The following ZNF462 variants were observed in gnomAD, a reference collection of about 807,000 sequenced individuals.
ZNF462 encodes zinc finger protein 462, also known as zinc finger PBX1-interacting protein.
A neutral mutation model predicts 201.9 loss-of-function variants in ZNF462; 10 were observed. That is an observed-to-expected ratio of 0.05 (90% confidence interval 0.03 to 0.08). The LOEUF (loss-of-function observed/expected upper bound fraction) is 0.08. Ranked by LOEUF, ZNF462 falls within the 10% of genes least tolerant of loss-of-function variation. The probability of loss-of-function intolerance (pLI) is 1.00; values close to 1 mark genes in which losing one functional copy is unlikely to be tolerated. For missense variants in ZNF462, 2,523 were observed against 3,168.3 expected (o/e 0.80, Z 4.89); for synonymous variants, 1,227 against 1,193.3 (o/e 1.03, Z -0.58).
intron 7 of ZNF462, among the ~76,000 whole-genome samples, chr9:106,943,057 CGCGTGTGTGTGTGTGT>C (rs1314418889): frequency 7.3e-6 from 1 of 136,818 alleles, no homozygotes; most frequent in Admixed American, 7.2e-5. Context: ...GTTTTGCGCG[CGCGTGTGTGTGTGTGT>C]GTGTGTGTGT....
rs566498618 is a variant in ZNF462 at position 106,988,045 on chromosome 9, T to A, written c.7056+3636T>A. Among the ~76,000 whole-genome samples, 715 of 152,304 alleles carry A rather than the reference T, an allele frequency of 4.7e-3. 9 individuals are homozygous for A. The highest frequency in any genetic ancestry group is 0.017 in the African/African-American group (691 of 41,572). The stretch of plus-strand genomic sequence containing the variant: ...TATGCCTATTTTTATACCAGTACTA[T>A]GCTGTTTTGGTGAGGAACAGCATAG... On this transcript the variant is annotated intron_variant, in intron 10 of 12. Coordinates refer to ENST00000277225, the MANE Select transcript of ZNF462 (RefSeq NM_021224.6).
chr9:107,009,766 C>G lies in ZNF462; in HGVS notation c.7313+98C>G, dbSNP rs1588213343. On this transcript the variant is annotated intron_variant, in intron 12 of 12. Coordinates refer to ENST00000277225, the MANE Select transcript of ZNF462 (RefSeq NM_021224.6). The surrounding 1 kb of genome is among the most constrained non-coding windows in gnomAD (Gnocchi z 6.1). The stretch of plus-strand genomic sequence containing the variant: ...GGTTCCCCTGACAGTATGTACACCC[C>G]TCTGTGTCACATTTCTGGGCCGTGG... The G allele has an allele frequency of 2.0e-6, 3 of 1,520,816 alleles. No homozygotes were observed. The Admixed American group carries it at 5.6e-5, about 29-fold the overall frequency. 94.2% of individuals were successfully genotyped at this position (1,520,816 alleles called of 1,614,324 possible).
chr9:106,866,133 T>G (rs1827320394), intron 1 of ZNF462, among the ~76,000 whole-genome samples: 1 of 152,196 alleles, frequency 6.6e-6, no homozygotes, highest in African/African-American at 2.4e-5. Flanking sequence ...TGGACCTTGC[T>G]TTCAACTAAG....
At chr9:106,906,465 GA>G (rs1829279823) in intron 1 of ZNF462, among the ~76,000 whole-genome samples, 2 of 152,158 alleles carry the variant, frequency 1.3e-5, no homozygotes, top group Admixed American at 1.3e-4. Context: ...GCAATGTGTT[GA>G]TTGAGAATTG....
chr9:106,952,067 C>T (rs780202650), intron 7 of ZNF462, among the ~76,000 whole-genome samples: 4 of 152,048 alleles, frequency 2.6e-5, no homozygotes, highest in African/African-American at 7.3e-5. Context: ...ACAGATCACA[C>T]GGGAGATGCT....
chr9:106,923,877 T>A lies in ZNF462; in HGVS notation c.221-256T>A, dbSNP rs1830083115. Among the ~76,000 whole-genome samples the A allele has an allele frequency of 6.6e-6, 1 of 152,204 alleles. No homozygotes were observed. The highest frequency in any genetic ancestry group is 2.4e-5 in the African/African-American group (1 of 41,452). ...GTAGTACAATTTATGCAACTTGTAT[T>A]TTTATAGCTGTGTGGCTCATTTATG... On this transcript the variant is annotated intron_variant, in intron 2 of 12. Transcript: ENST00000277225. This position sits in a 1 kb window ranked among gnomAD's most constrained non-coding sequence, Gnocchi z 5.6.
In ZNF462 at chr9:106,933,992, A is replaced by G. The variant is rs1285975599; in HGVS notation, c.6116+1443A>G. On this transcript the variant is annotated intron_variant, in intron 5 of 12. Transcript: ENST00000277225. This position sits in a 1 kb window ranked among gnomAD's most constrained non-coding sequence, Gnocchi z 4.3. ...GACCATATTTGGAGTTTTAAATGCC[A>G]GGAAATAGTATTTCATAATTTAAAT... is the stretch of plus-strand genomic sequence containing the variant. 6.6e-6 allele frequency among the ~76,000 whole-genome samples: 1 copy of G among 152,228 alleles called. No individual in the cohort carries two copies. The highest frequency in any genetic ancestry group is 1.5e-5 in the Non-Finnish European group (1 of 68,032).
intron 7 of ZNF462, among the ~76,000 whole-genome samples, chr9:106,958,796 C>G (rs753113809): frequency 6.6e-6 from 1 of 152,038 alleles, no homozygotes; most frequent in Non-Finnish European, 1.5e-5. Context: ...GAAGTGCTAT[C>G]AAGAGAAAGA....
At chr9:106,989,469 T>A (rs1294131817) in intron 10 of ZNF462, among the ~76,000 whole-genome samples, 3 of 152,138 alleles carry the variant, frequency 2.0e-5, no homozygotes, top group Non-Finnish European at 4.4e-5. Context: ...TTAGTGTCTG[T>A]GTTCATGAGG....
Position 106,974,756 on chromosome 9 carries a change from T to C in ZNF462, c.6832+483T>C. 5.4e-6 allele frequency: 1 copy of C among 185,154 alleles called. No homozygotes were observed. Among genetic ancestry groups the C allele is most frequent in the Admixed American group, 5.3e-5 (1 of 18,782 alleles). 11.5% of individuals were successfully genotyped at this position (185,154 alleles called of 1,614,324 possible). A position where few individuals can be genotyped will look rare whatever the true frequency, so the allele number is the denominator to read the frequency against. On this transcript the variant is annotated intron_variant, in intron 9 of 12. Transcript: ENST00000277225. This position sits in a 1 kb window ranked among gnomAD's most constrained non-coding sequence, Gnocchi z 4.0. ...AGAGAATTCTTTAAAATAATGTATA[T>C]TATACATTCTAATAATAGTCTCTAT...
chr9:106,960,383 T>G (rs1355189139), intron 7 of ZNF462, among the ~76,000 whole-genome samples: 1 of 152,122 alleles, frequency 6.6e-6, no homozygotes, highest in Non-Finnish European at 1.5e-5. Context: ...ACTGTGGCCT[T>G]GCCCACGGCC....
intron 1 of ZNF462, among the ~76,000 whole-genome samples, chr9:106,893,778 A>G (rs984722378): frequency 1.3e-5 from 2 of 152,130 alleles, no homozygotes; most frequent in Non-Finnish European, 2.9e-5. Flanking sequence ...TGTTATTTCT[A>G]TTTAGCATAT....
chr9:106,937,991 A>G (rs1275031679), intron 6 of ZNF462, among the ~76,000 whole-genome samples: 2 of 152,156 alleles, frequency 1.3e-5, no homozygotes, highest in Non-Finnish European at 2.9e-5. Flanking sequence ...TTAAAAGCAA[A>G]ATGGCTTTCT....
Position 106,981,829 on chromosome 9 carries a change from C to A in ZNF462, c.6833-2357C>A, listed in dbSNP as rs1372373220. Among the ~76,000 whole-genome samples, 2 of 152,112 alleles carry A rather than the reference C, an allele frequency of 1.3e-5. No homozygotes were observed. Among genetic ancestry groups the A allele is most frequent in the Non-Finnish European group, 2.9e-5 (2 of 68,028 alleles). ...AGTCACTGAATGACTATCTTTGAGG[C>A]GTGTGGGACATCATTATATGAAAAA... On this transcript the variant is annotated intron_variant, in intron 9 of 12. Transcript: ENST00000277225. This position sits in a 1 kb window ranked among gnomAD's most constrained non-coding sequence, Gnocchi z 4.0.
chr9:106,968,336 G>A lies in ZNF462; in HGVS notation c.6428-3669G>A, dbSNP rs1832174849. ...AAATTCTAAATCCTATAGGCACTGT[G>A]ACCATCATTGCTAAAATTCTAATTT... On this transcript the variant is annotated intron_variant, in intron 7 of 12. Coordinates refer to ENST00000277225, the MANE Select transcript of ZNF462 (RefSeq NM_021224.6). The surrounding 1 kb of genome is among the most constrained non-coding windows in gnomAD (Gnocchi z 4.0). 6.6e-6 allele frequency among the ~76,000 whole-genome samples: 1 copy of A among 152,108 alleles called. No individual in the cohort carries two copies. The highest frequency in any genetic ancestry group is 1.5e-5 in the Non-Finnish European group (1 of 68,022).
Position 106,874,223 on chromosome 9 carries a change from A to G in ZNF462, c.-31+10868A>G, listed in dbSNP as rs554821818. Among the ~76,000 whole-genome samples, 11 of 152,336 alleles carry G rather than the reference A, an allele frequency of 7.2e-5. No individual in the cohort carries two copies. In the South Asian group the frequency reaches 1.9e-3, roughly 26 times the overall value. Reference sequence around the variant, plus strand: ...TGGGCAGAATTTCTAATTTAGAGGAATAGGGACTCCATTCAGCCTTGGACA... The same window carrying G: ...TGGGCAGAATTTCTAATTTAGAGGAGTAGGGACTCCATTCAGCCTTGGACA... On this transcript the variant is annotated intron_variant, in intron 1 of 12. Transcript: ENST00000277225.
chr9:106,953,429 G>A (rs1390234421), intron 7 of ZNF462, among the ~76,000 whole-genome samples: 4 of 152,102 alleles, frequency 2.6e-5, no homozygotes, highest in African/African-American at 9.7e-5. Context: ...CAAGGTCACG[G>A]CCTCTGCTCT....
At chr9:106,879,350 C>A (rs1035156594) in intron 1 of ZNF462, among the ~76,000 whole-genome samples, 3 of 131,602 alleles carry the variant, frequency 2.3e-5, no homozygotes, top group Non-Finnish European at 3.2e-5. Context: ...CCCCACCCCC[C>A]ACCTTGTCTC....
chr9:106,908,984 A>G (rs1290552279), intron 1 of ZNF462, among the ~76,000 whole-genome samples: 1 of 59,898 alleles, frequency 1.7e-5, no homozygotes, highest in African/African-American at 6.5e-5. Context: ...TTTTTTTGAG[A>G]CTGGGTCTCA....
Sources: gnomAD v4.1 joint callset for allele counts (sites outside exome capture counted in the v4.1 genomes callset) on GRCh38, gnomAD v4.1.1 for gene constraint, Gnocchi (gnomAD v3.1) non-coding constraint, MANE v1.5 for transcripts, NCBI Gene and HGNC (gene_info 2026-07-23, HGNC 2026-07-21) for gene names.